Variants in HSD17B4 observed in about 807,000 individuals in gnomAD.
The protein encoded by HSD17B4 is hydroxysteroid 17-beta dehydrogenase 4, also known as peroxisomal multifunctional enzyme type 2.
HSD17B4 carries 70 observed loss-of-function variants against 101.0 expected under a neutral mutation model. The observed-to-expected ratio is 0.69, with a 90% CI of 0.57 to 0.85. HSD17B4 has a LOEUF of 0.85. Ranked by LOEUF, HSD17B4 falls within the 40% of genes least tolerant of loss-of-function variation. HSD17B4 has a pLI of 0.00. For missense variants in HSD17B4, 984 were observed against 892.4 expected, an observed-to-expected ratio of 1.10 and a Z score of -1.31; for synonymous variants, 347 against 297.1, an observed-to-expected ratio of 1.17 and a Z score of -1.73.
At position 119,506,838 on chromosome 5, in the gene HSD17B4, G is replaced by A; in HGVS notation, c.1282G>A (p.Val428Ile). The A allele has an allele frequency of 3.2e-6, 5 of 1,586,558 alleles. No individual in the cohort carries two copies. The highest frequency in any genetic ancestry group is 3.5e-6 in the Non-Finnish European group (4 of 1,155,928). ...TCTAGGAAAATTAAAATGTGAAGCA[G>A]TTGTTGCTGATGTCCTAGATAAAGG... Reference protein sequence around the residue: ...PRAGKLKCEAVVADVLDKGSG... With the variant: ...PRAGKLKCEAIVADVLDKGSG... Residue 428 changes from valine to isoleucine, a missense_variant, in exon 15 of 24, where the codon GTT (valine) becomes ATT (isoleucine). Transcript: ENST00000510025.
At position 119,525,303 on chromosome 5, in the gene HSD17B4, T is replaced by G. The variant is rs755327064; in HGVS notation, c.1573+18T>G. ...TCTAGCAGGTGAGTTGTCTTTAATA[T>G]GTATCAATGAAAAATATTAGCTATT... On this transcript the variant is annotated intron_variant, in intron 18 of 23. Transcript: ENST00000510025. The G allele has an allele frequency of 6.8e-7, 1 of 1,478,168 alleles. No homozygotes were observed. Among genetic ancestry groups the G allele is most frequent in the African/African-American group, 1.4e-5 (1 of 71,798 alleles). The allele number at this position is 1,478,168 out of a possible 1,614,324, so 91.6% of individuals were successfully genotyped here. A position where few individuals can be genotyped will look rare whatever the true frequency, so the allele number is the denominator to read the frequency against.
At chr5:119,519,647 C>T (rs1282850025) in intron 17 of HSD17B4, among the ~76,000 whole-genome samples, 1 of 152,216 alleles carries the variant, frequency 6.6e-6, no homozygotes, top group African/African-American at 2.4e-5. Context: ...AGACTGATTG[C>T]ATTCCAGATT....
intron 8 of HSD17B4, among the ~76,000 whole-genome samples, chr5:119,482,229 T>C (rs778295308): frequency 2.6e-5 from 4 of 152,170 alleles, no homozygotes; most frequent in Admixed American, 6.5e-5. Flanking sequence ...AGGAAGTTTG[T>C]ATTGACATAT....
rs558895827 is a variant in HSD17B4, at chr5:119,474,035, T to A, written c.220+20T>A. The A allele has an allele frequency of 8.1e-7, 1 of 1,230,076 alleles. No individual in the cohort carries two copies. 76.2% of individuals were successfully genotyped at this position (1,230,076 alleles called of 1,614,324 possible). On this transcript the variant is annotated intron_variant, in intron 3 of 23. Transcript: ENST00000510025. ...ACTATGGTATGGTATTTGAGAGAAC[T>A]ATACTATTTATTTTCCTTCAACTAA...
In HSD17B4 at chr5:119,456,357, C is replaced by T. The variant is rs587777442; in HGVS notation, c.101C>T (p.Ala34Val). ...AYALAFAERG[A>V]LVVVNDLGGD... ...GCCCTGGCTTTTGCAGAAAGAGGAGCGTTAGTTGTTGGTAAGTTGGTGTGT... is the reference window on the plus strand; with the variant it reads ...GCCCTGGCTTTTGCAGAAAGAGGAGTGTTAGTTGTTGGTAAGTTGGTGTGT... The change falls in exon 2 of 24, where the codon GCG (alanine) becomes GTG (valine). Residue 34 changes from alanine (A) to valine (V), a missense_variant. Transcript: ENST00000510025. 1.8e-5 allele frequency: 29 copies of T among 1,605,378 alleles called. No homozygotes were observed. Among genetic ancestry groups the T allele is most frequent in the Non-Finnish European group, 2.3e-5 (27 of 1,172,134 alleles).
chr5:119,471,857 A>G (rs1350855885), intron 2 of HSD17B4, among the ~76,000 whole-genome samples: 2 of 152,150 alleles, frequency 1.3e-5, no homozygotes, highest in Non-Finnish European at 2.9e-5. Context: ...TTGGATATAC[A>G]CTTTATGCTA....
intron 2 of HSD17B4, 21 bp from the exon 3 acceptor site, chr5:119,473,887 T>C (rs1748299502): frequency 7.6e-7 from 1 of 1,317,752 alleles, no homozygotes; most frequent in African/African-American, 1.4e-5. Context: ...TAATTGTTGT[T>C]TGCTTGTTTT....
intron 22 of HSD17B4, among the ~76,000 whole-genome samples, chr5:119,534,040 TAAAG>T (rs1470834152): frequency 6.6e-6 from 1 of 152,134 alleles, no homozygotes; most frequent in East Asian, 1.9e-4. Context: ...AAACTTTTTA[TAAAG>T]ATTTATTTCC....
At chr5:119,519,980 C>G (rs1455712984) in intron 17 of HSD17B4, among the ~76,000 whole-genome samples, 2 of 152,144 alleles carry the variant, frequency 1.3e-5, no homozygotes, top group African/African-American at 4.8e-5. Flanking sequence ...AGAAAAGACT[C>G]CTTTGAACTT....
At chr5:119,540,996 A>G (rs984298896) in intron 23 of HSD17B4, among the ~76,000 whole-genome samples, 3 of 152,188 alleles carry the variant, frequency 2.0e-5, no homozygotes, top group Non-Finnish European at 4.4e-5. Flanking sequence ...CAGTGTATGT[A>G]GGTATCACTA....
At position 119,524,299 on chromosome 5, in the gene HSD17B4, T is replaced by C. The variant is rs781568713; in HGVS notation, c.1504-917T>C. ...TGATGCTTTCTTATGAATTATAGAATATTTTCTATAAATAAAACTTGTTAA... is the reference window on the plus strand; with the variant it reads ...TGATGCTTTCTTATGAATTATAGAACATTTTCTATAAATAAAACTTGTTAA... On this transcript the variant is annotated intron_variant, in intron 17 of 23. Coordinates refer to ENST00000510025, the MANE Select transcript of HSD17B4 (RefSeq NM_000414.4). 4.5e-4 allele frequency among the ~76,000 whole-genome samples: 69 copies of C among 152,240 alleles called. 1 individual carries two copies. Among genetic ancestry groups the C allele is most frequent in the African/African-American group, 1.6e-3 (67 of 41,570 alleles).
rs376533462 is a variant in HSD17B4, at chr5:119,514,192, C to T, written c.1438-789C>T. Among the ~76,000 whole-genome samples, 3 of 151,784 alleles carry T rather than the reference C, an allele frequency of 2.0e-5. No individual in the cohort carries two copies. The South Asian group carries it at 6.3e-4, about 32-fold the overall frequency. On this transcript the variant is annotated intron_variant, in intron 16 of 23. Coordinates refer to ENST00000510025, the MANE Select transcript of HSD17B4 (RefSeq NM_000414.4). ...TTTTGTTTGCTTTTAGAAGCAGCAA[C>T]TTCCCTCATGATCTTTTTTTATGTT...
At chr5:119,453,157 A>T (rs1009109012) in intron 1 of HSD17B4, among the ~76,000 whole-genome samples, 2 of 152,212 alleles carry the variant, frequency 1.3e-5, no homozygotes. Flanking sequence ...AGGGCGTCTG[A>T]TAAGAGCCCT....
At chr5:119,478,212 T>C (rs369405065) in intron 7 of HSD17B4, 3 of 154,448 alleles carry the variant, frequency 1.9e-5, no homozygotes, top group African/African-American at 4.8e-5. Context: ...AAGTAACTCA[T>C]TGTGGCAGTG....
intron 14 of HSD17B4, among the ~76,000 whole-genome samples, chr5:119,504,131 G>A (rs752365194): frequency 4.6e-5 from 7 of 152,214 alleles, no homozygotes; most frequent in South Asian, 2.1e-4. Context: ...TCATGGCTGC[G>A]TAGTATTCCA....
At chr5:119,469,682 C>T (rs774770692) in intron 2 of HSD17B4, among the ~76,000 whole-genome samples, 2 of 152,178 alleles carry the variant, frequency 1.3e-5, no homozygotes, top group African/African-American at 2.4e-5. Context: ...TTTGTTCCTA[C>T]ATTGATATTT....
At chr5:119,494,854 T>C (rs1750485577) in intron 11 of HSD17B4, among the ~76,000 whole-genome samples, 1 of 152,154 alleles carries the variant, frequency 6.6e-6, no homozygotes, top group Admixed American at 6.5e-5. Flanking sequence ...CAGAAATAGA[T>C]AACCAAATAA....
chr5:119,453,995 A>G (rs181947309), intron 1 of HSD17B4, among the ~76,000 whole-genome samples: 1 of 152,322 alleles, frequency 6.6e-6, no homozygotes, highest in African/African-American at 2.4e-5. Flanking sequence ...TCTGAAAATC[A>G]TTCAAGGATA....
intron 2 of HSD17B4, among the ~76,000 whole-genome samples, chr5:119,468,431 T>C (rs1253753135): frequency 6.6e-6 from 1 of 152,092 alleles, no homozygotes; most frequent in Non-Finnish European, 1.5e-5. Flanking sequence ...TTCAGCATTT[T>C]GAATGTTATC....
Sources: gnomAD v4.1 joint callset for allele counts (sites outside exome capture counted in the v4.1 genomes callset) on GRCh38, gnomAD v4.1.1 for gene constraint, MANE v1.5 for transcripts, NCBI Gene and HGNC (gene_info 2026-07-23, HGNC 2026-07-21) for gene names.